The following ZNF475 variants were observed in gnomAD, a reference collection of about 807,000 sequenced individuals.
The protein encoded by ZNF475 is zinc finger protein 475.
chr5:122,182,494 A>T, the ZNF475 span: 1 of 1,451,746 alleles, frequency 6.9e-7, no homozygotes, highest in Non-Finnish European at 9.0e-7. Flanking sequence ...TTTCCAGCCA[A>T]AGGCTTCTAT....
chr5:122,172,221 T>C, the ZNF475 span, among the ~76,000 whole-genome samples: 4 of 152,210 alleles, frequency 2.6e-5, no homozygotes, highest in Admixed American at 6.5e-5. Flanking sequence ...GTATTTATTA[T>C]ACAAGGACTT....
At chr5:122,168,433 A>G in the ZNF475 span, among the ~76,000 whole-genome samples, 1 of 152,234 alleles carries the variant, frequency 6.6e-6, no homozygotes, top group Non-Finnish European at 1.5e-5. Flanking sequence ...GGTTTAGTGT[A>G]TAAAAATTGT....
At chr5:122,161,968 A>C in the ZNF475 span, among the ~76,000 whole-genome samples, 2 of 151,854 alleles carry the variant, frequency 1.3e-5, no homozygotes, top group Non-Finnish European at 2.9e-5. Flanking sequence ...CTCTTATCTC[A>C]AATGTGAAAA....
chr5:122,179,497 T>C, the ZNF475 span: 51 of 838,838 alleles, frequency 6.1e-5, 2 homozygotes, highest in South Asian at 8.7e-4. Flanking sequence ...TTATTCTCTT[T>C]GTAGCAATTG....
the ZNF475 span, among the ~76,000 whole-genome samples, chr5:122,170,810 G>T: frequency 2.5e-4 from 38 of 152,250 alleles, no homozygotes; most frequent in African/African-American, 8.9e-4. Flanking sequence ...TCTTAAAGCT[G>T]TCTGGGCGGT....
the ZNF475 span, among the ~76,000 whole-genome samples, chr5:122,176,482 A>G: frequency 6.6e-6 from 1 of 152,010 alleles, no homozygotes; most frequent in Non-Finnish European, 1.5e-5. Context: ...TTTTATTTGT[A>G]CTCTGTGCAA....
At chr5:122,170,543 G>A in the ZNF475 span, among the ~76,000 whole-genome samples, 2 of 152,182 alleles carry the variant, frequency 1.3e-5, no homozygotes, top group African/African-American at 4.8e-5. Flanking sequence ...GGTTAGGGGT[G>A]GTGTGGAGCT....
chr5:122,178,594 C>T, the ZNF475 span, among the ~76,000 whole-genome samples: 1 of 151,816 alleles, frequency 6.6e-6, no homozygotes, highest in Admixed American at 6.6e-5. Flanking sequence ...TTGTTTTTTT[C>T]TTGTGAAGTT....
chr5:122,161,474 AT>A, the ZNF475 span, among the ~76,000 whole-genome samples: 1 of 152,212 alleles, frequency 6.6e-6, no homozygotes, highest in Non-Finnish European at 1.5e-5. Flanking sequence ...TTTTTAAAAA[AT>A]ATCTTAAAGT....
the ZNF475 span, chr5:122,163,459 C>T: frequency 7.2e-5 from 11 of 152,174 alleles, no homozygotes; most frequent in African/African-American, 2.4e-4. Flanking sequence ...GGGGAACGCT[C>T]ACTCTTACTT....
chr5:122,177,876 G>A, the ZNF475 span, among the ~76,000 whole-genome samples: 43 of 151,956 alleles, frequency 2.8e-4, 1 homozygote, highest in East Asian at 1.9e-3. Flanking sequence ...GGTATTTCTC[G>A]TAATGCTATC....
At chr5:122,166,207 A>G in the ZNF475 span, among the ~76,000 whole-genome samples, 1 of 152,248 alleles carries the variant, frequency 6.6e-6, no homozygotes, top group African/African-American at 2.4e-5. Flanking sequence ...GCCTTTCAGT[A>G]TCCCTAAAAT....
chr5:122,182,444 A>AT, the ZNF475 span: 3,643 of 1,350,646 alleles, frequency 2.7e-3, 27 homozygotes, highest in African/African-American at 0.033. Context: ...TGTTTTTGGT[A>AT]TTTTTTTTTC....
chr5:122,162,742 A>G, the ZNF475 span, among the ~76,000 whole-genome samples: 1 of 152,158 alleles, frequency 6.6e-6, no homozygotes, highest in Non-Finnish European at 1.5e-5. Context: ...GGGTCAAGAT[A>G]ATTTTATAAA....
chr5:122,160,496 T>G, the ZNF475 span, among the ~76,000 whole-genome samples: 3 of 152,242 alleles, frequency 2.0e-5, no homozygotes, highest in African/African-American at 7.2e-5. Flanking sequence ...AAACTTATCC[T>G]TGACTTATAA....
the ZNF475 span, among the ~76,000 whole-genome samples, chr5:122,174,486 A>G: frequency 6.6e-6 from 1 of 152,244 alleles, no homozygotes; most frequent in African/African-American, 2.4e-5. Context: ...TAAGATGCTC[A>G]AAACCTAAGA....
the ZNF475 span, among the ~76,000 whole-genome samples, chr5:122,165,905 C>T: frequency 2.6e-5 from 4 of 152,198 alleles, no homozygotes; most frequent in Admixed American, 6.5e-5. Context: ...TTTGATGTGG[C>T]TCTTTGGCAA....
chr5:122,171,483 G>A, the ZNF475 span, among the ~76,000 whole-genome samples: 7 of 152,102 alleles, frequency 4.6e-5, no homozygotes, highest in Non-Finnish European at 1.0e-4. Context: ...TGACAAAAAG[G>A]CACCAAAGTG....
the ZNF475 span, chr5:122,160,196 A>G: frequency 4.7e-6 from 6 of 1,288,898 alleles, no homozygotes; most frequent in Non-Finnish European, 6.1e-6. Context: ...GGTGCCAACC[A>G]TGCCTGCATA....
Sources: gnomAD v4.1 joint callset for allele counts (sites outside exome capture counted in the v4.1 genomes callset) on GRCh38, gnomAD v4.1.1 for gene constraint, MANE v1.5 for transcripts, NCBI Gene and HGNC (gene_info 2026-07-23, HGNC 2026-07-21) for gene names.